CDK14: variants seen among roughly 807,000 people sequenced by gnomAD.
The protein encoded by CDK14 is cyclin-dependent kinase 14.
CDK14 carries 34 observed loss-of-function variants against 60.7 expected under a neutral mutation model. The ratio of observed to expected loss-of-function variants is 0.56; its 90% CI spans 0.43 to 0.75. The LOEUF (loss-of-function observed/expected upper bound fraction) is 0.75, where lower values mean the gene tolerates loss of function less well. CDK14 is among the 30% of genes least tolerant of loss of function. The probability of loss-of-function intolerance (pLI) is 0.00; values close to 1 mark genes in which losing one functional copy is unlikely to be tolerated. For synonymous variants in CDK14, 197 were observed against 203.7 expected, an observed-to-expected ratio of 0.97 and a Z score of 0.28; for missense variants, 482 against 564.1, an observed-to-expected ratio of 0.85 and a Z score of 1.47.
chr7:91,052,618 T>C (rs1196670209), intron 11 of CDK14, among the ~76,000 whole-genome samples: 1 of 152,186 alleles, frequency 6.6e-6, no homozygotes, highest in Admixed American at 6.5e-5. Flanking sequence ...ATTTAATGGA[T>C]TATTCAGATG....
intron 14 of CDK14, among the ~76,000 whole-genome samples, chr7:91,121,790 C>T (rs1488201234): frequency 1.3e-5 from 2 of 152,178 alleles, no homozygotes; most frequent in Non-Finnish European, 2.9e-5. Flanking sequence ...ATTTTATCAG[C>T]ACTGATGGGT....
chr7:90,707,550 A>G (rs1385949401), intron 2 of CDK14, among the ~76,000 whole-genome samples: 1 of 152,060 alleles, frequency 6.6e-6, no homozygotes, highest in African/African-American at 2.4e-5. Flanking sequence ...GGGCTTTTCT[A>G]TTGGATAAAA....
chr7:91,201,799 G>A (rs963933870), intron 14 of CDK14, among the ~76,000 whole-genome samples: 2 of 152,178 alleles, frequency 1.3e-5, no homozygotes, highest in African/African-American at 4.8e-5. Flanking sequence ...TAGCACTTAA[G>A]GGCTTCTACA....
chr7:90,631,065 C>G (rs73407255), intron 2 of CDK14, among the ~76,000 whole-genome samples: 64 of 152,234 alleles, frequency 4.2e-4, no homozygotes, highest in African/African-American at 1.5e-3. Context: ...GGTGGTGGTA[C>G]TCTGATAGGA....
chr7:90,910,173 A>G lies in CDK14; in HGVS notation c.703-7428A>G, dbSNP rs138606223. 1.8e-4 allele frequency among the ~76,000 whole-genome samples: 27 copies of G among 152,258 alleles called. No homozygotes were observed. The East Asian group carries it at 5.2e-3, about 29-fold the overall frequency. On this transcript the variant is annotated intron_variant, in intron 7 of 14. Coordinates refer to ENST00000380050, the MANE Select transcript of CDK14 (RefSeq NM_001287135.2). ...TAGGGTTTTATTTCTCTTTTTTTATATCTCTGTATAACCGTCTAAGTATTC... is the reference window on the plus strand; with the variant it reads ...TAGGGTTTTATTTCTCTTTTTTTATGTCTCTGTATAACCGTCTAAGTATTC...
At chr7:91,174,703 A>G (rs1490457883) in intron 14 of CDK14, among the ~76,000 whole-genome samples, 2 of 132,042 alleles carry the variant, frequency 1.5e-5, no homozygotes, top group African/African-American at 5.8e-5. Flanking sequence ...AAGAAAGGGT[A>G]TCAGCAATGG....
intron 11 of CDK14, among the ~76,000 whole-genome samples, chr7:91,066,904 G>A (rs1262966368): frequency 6.6e-6 from 1 of 152,192 alleles, no homozygotes; most frequent in African/African-American, 2.4e-5. Flanking sequence ...AGAGGAGAAG[G>A]TGAAAATCAG....
chr7:91,031,639 G>A (rs967673643), intron 10 of CDK14, among the ~76,000 whole-genome samples: 4 of 152,130 alleles, frequency 2.6e-5, no homozygotes, highest in South Asian at 2.1e-4. Context: ...GTTAAATGAC[G>A]TAGTGAGTTC....
At chr7:90,749,821 G>C (rs1803748980) in intron 4 of CDK14, among the ~76,000 whole-genome samples, 1 of 152,198 alleles carries the variant, frequency 6.6e-6, no homozygotes, top group African/African-American at 2.4e-5. Flanking sequence ...GCTGGTGCTT[G>C]TGCCTGCTAT....
At chr7:90,696,804 CT>C (rs1563048211) in intron 2 of CDK14, among the ~76,000 whole-genome samples, 1 of 152,080 alleles carries the variant, frequency 6.6e-6, no homozygotes, top group Non-Finnish European at 1.5e-5. Context: ...GGACACATGT[CT>C]TTATAGGTTG....
intron 10 of CDK14, among the ~76,000 whole-genome samples, chr7:91,023,836 G>C (rs916015509): frequency 6.6e-6 from 1 of 152,030 alleles, no homozygotes; most frequent in Non-Finnish European, 1.5e-5. Context: ...GCAATGGCTC[G>C]ATCTTAGCTC....
rs1554431005 is a variant in CDK14, at chr7:90,668,696, A to ATTATTTTTTT, written c.124-57869_124-57868insATTTTTTTTT. ...TTATATGGTGTAAGGAAGGACTCGC[A>ATTATTTTTTT]TTCTTTTTTTTTTTTTTTTTTTTTT... On this transcript the variant is annotated intron_variant, in intron 2 of 14. Transcript: ENST00000380050. 6.1e-4 allele frequency among the ~76,000 whole-genome samples: 42 copies of ATTATTTTTTT among 68,428 alleles called. 1 individual carries two copies. Among genetic ancestry groups the ATTATTTTTTT allele is most frequent in the South Asian group, 3.0e-3 (6 of 1,982 alleles). 44.9% of individuals were successfully genotyped at this position (68,428 alleles called of 152,430 possible).
At chr7:90,654,029 G>C (rs1800703199) in intron 2 of CDK14, among the ~76,000 whole-genome samples, 1 of 152,154 alleles carries the variant, frequency 6.6e-6, no homozygotes, top group African/African-American at 2.4e-5. Flanking sequence ...AGGATTCTAT[G>C]GTGTGTATGT....
In CDK14 at chr7:91,049,890, G is replaced by A. The variant is rs531785879; in HGVS notation, c.1105+3930G>A. ...CATATATTGGGTGGTGATAAGTACT[G>A]TGGAGGAAAATAGAGCAAGAAACTG... On this transcript the variant is annotated intron_variant, in intron 11 of 14. Transcript: ENST00000380050. 3.3e-5 allele frequency among the ~76,000 whole-genome samples: 5 copies of A among 152,282 alleles called. No homozygotes were observed. The East Asian group carries it at 9.7e-4, about 29-fold the overall frequency.
At chr7:90,639,627 C>T (rs1164780218) in intron 2 of CDK14, among the ~76,000 whole-genome samples, 1 of 148,598 alleles carries the variant, frequency 6.7e-6, no homozygotes, top group East Asian at 2.1e-4. Context: ...AGATCTCCAG[C>T]TGCGTGCTGG....
At chr7:91,005,372 G>A (rs1795954807) in intron 10 of CDK14, among the ~76,000 whole-genome samples, 2 of 152,334 alleles carry the variant, frequency 1.3e-5, no homozygotes, top group Admixed American at 1.3e-4. Flanking sequence ...ACAAAACTTA[G>A]CATCTTGTCA....
chr7:90,711,250 A>C (rs1200879293), intron 2 of CDK14, among the ~76,000 whole-genome samples: 1 of 152,090 alleles, frequency 6.6e-6, no homozygotes, highest in Non-Finnish European at 1.5e-5. Flanking sequence ...ATTTCTTTAA[A>C]TGGTGCAGTG....
chr7:90,813,626 G>C (rs563071836), intron 5 of CDK14, among the ~76,000 whole-genome samples: 1 of 152,232 alleles, frequency 6.6e-6, no homozygotes, highest in Non-Finnish European at 1.5e-5. Flanking sequence ...GCATGTGCCT[G>C]TAATCCCAGC....
intron 10 of CDK14, among the ~76,000 whole-genome samples, chr7:91,014,731 A>G (rs965935757): frequency 6.6e-6 from 1 of 152,188 alleles, no homozygotes; most frequent in African/African-American, 2.4e-5. Context: ...TATTGTTACT[A>G]ATAGAAGTTT....
Sources: allele counts gnomAD v4.1 joint callset (sites outside exome capture counted in the v4.1 genomes callset), GRCh38; gene constraint gnomAD v4.1.1; transcripts MANE v1.5; gene names NCBI Gene and HGNC (gene_info 2026-07-23, HGNC 2026-07-21).